EPM2A: variants seen among roughly 807,000 people sequenced by gnomAD.
EPM2A encodes the protein laforin.
EPM2A carries 21 observed loss-of-function variants against 26.5 expected under a neutral mutation model. That is an observed-to-expected ratio of 0.79 (90% CI 0.56 to 1.14). EPM2A has a LOEUF of 1.14. Among genes scored for constraint, EPM2A ranks in the 50% most tolerant of loss-of-function variants. The pLI, the probability that EPM2A is intolerant of heterozygous loss-of-function variation, is 0.00. For missense variants in EPM2A, 458 were observed against 440.8 expected (o/e 1.04, Z -0.35); for synonymous variants, 217 against 177.6 (o/e 1.22, Z -1.76).
chr6:145,638,566 A>G (rs894933729), intron 2 of EPM2A: 3 of 152,250 alleles, frequency 2.0e-5, no homozygotes, highest in African/African-American at 4.8e-5. Context: ...TGGAAGTCAG[A>G]GTCCATATTT....
At chr6:145,678,223 A>C (rs1070518) in intron 2 of EPM2A, among the ~76,000 whole-genome samples, 2 of 152,082 alleles carry the variant, frequency 1.3e-5, no homozygotes, top group East Asian at 1.9e-4. Flanking sequence ...ACTGGCTAGC[A>C]GTATGTAGAA....
Position 145,396,821 on chromosome 6 carries a change from T to A in EPM2A, c.556-12724A>T, listed in dbSNP as rs149922788. On this transcript the variant is annotated intron_variant, in intron 4 of 4. Coordinates refer to the EPM2A transcript ENST00000638717. ...GTTGAGGCTTTCCTTTACAAACAAG[T>A]CACAGCTATGGTGGTGGCCAAATAC... Among the ~76,000 whole-genome samples the A allele has an allele frequency of 5.3e-5, 8 of 152,304 alleles. 1 individual carries two copies. The highest frequency in any genetic ancestry group is 1.9e-4 in the African/African-American group (8 of 41,572).
chr6:145,598,030 A>C (rs1344487000), intron 2 of EPM2A, among the ~76,000 whole-genome samples: 1 of 152,212 alleles, frequency 6.6e-6, no homozygotes, highest in Non-Finnish European at 1.5e-5. Flanking sequence ...TGCTGCAATG[A>C]ACATTCACAT....
chr6:145,600,939 G>A (rs143199854), intron 2 of EPM2A, among the ~76,000 whole-genome samples: 1 of 152,190 alleles, frequency 6.6e-6, no homozygotes, highest in Non-Finnish European at 1.5e-5. Context: ...TGTCCAGAGG[G>A]TCATGGCTGT....
intron 4 of EPM2A, among the ~76,000 whole-genome samples, chr6:145,416,456 T>C (rs13219443): frequency 0.12 from 18,182 of 152,122 alleles, 1,154 homozygotes; most frequent in South Asian, 0.24. Flanking sequence ...CCAGTTTTCA[T>C]GAATTCTTCC....
In EPM2A at chr6:145,404,394, G is replaced by A. The variant is rs960346246; in HGVS notation, c.556-20297C>T. Among the ~76,000 whole-genome samples the A allele has an allele frequency of 2.6e-5, 4 of 151,578 alleles. No individual in the cohort carries two copies. The East Asian group carries it at 5.8e-4, about 22-fold the overall frequency. ...TTGATATACAGGTCTTTATATACTC[G>A]TATTTATTTTGTATGTAAATTGTTT... On this transcript the variant is annotated intron_variant, in intron 4 of 4. Transcript: ENST00000638717.
intron 2 of EPM2A, among the ~76,000 whole-genome samples, chr6:145,552,091 A>G (rs1481207636): frequency 1.3e-5 from 2 of 151,932 alleles, no homozygotes; most frequent in Non-Finnish European, 2.9e-5. Context: ...AAAATATGAA[A>G]AATAGATTGA....
At chr6:145,399,714 A>G (rs12196549) in intron 4 of EPM2A, among the ~76,000 whole-genome samples, 16,734 of 152,266 alleles carry the variant, frequency 0.11, 966 homozygotes, top group South Asian at 0.17. Context: ...AGGATTCTGT[A>G]CAATGGCTCA....
intron 4 of EPM2A, among the ~76,000 whole-genome samples, chr6:145,476,280 A>C (rs2114729624): frequency 6.6e-6 from 1 of 152,230 alleles, no homozygotes; most frequent in African/African-American, 2.4e-5. Context: ...CAGGTATATA[A>C]AGGAAATATC....
At chr6:145,429,967 C>T (rs1331872575) in intron 4 of EPM2A, among the ~76,000 whole-genome samples, 2 of 152,104 alleles carry the variant, frequency 1.3e-5, no homozygotes, top group East Asian at 1.9e-4. Flanking sequence ...GAGGCTGAGG[C>T]GGGCAGATCA....
intron 2 of EPM2A, chr6:145,641,073 T>A (rs920300214): frequency 1.2e-4 from 19 of 152,218 alleles, no homozygotes; most frequent in African/African-American, 3.6e-4. Context: ...TACTGTGTAG[T>A]TTAGAGCCAT....
chr6:145,456,686 T>C (rs1379827745), intron 4 of EPM2A, among the ~76,000 whole-genome samples: 1 of 152,164 alleles, frequency 6.6e-6, no homozygotes, highest in Non-Finnish European at 1.5e-5. Flanking sequence ...AGGTAGAGAA[T>C]ATGGGTGTAA....
intron 4 of EPM2A, among the ~76,000 whole-genome samples, chr6:145,493,916 G>A (rs776081045): frequency 2.6e-5 from 4 of 152,190 alleles, no homozygotes; most frequent in Non-Finnish European, 4.4e-5. Context: ...TTGCATCAAT[G>A]TTCATCAAGA....
At chr6:145,411,801 G>C (rs1778646505) in intron 4 of EPM2A, among the ~76,000 whole-genome samples, 1 of 152,148 alleles carries the variant, frequency 6.6e-6, no homozygotes, top group South Asian at 2.1e-4. Context: ...ATGGAGTAAA[G>C]TTGAGGTTTG....
intron 4 of EPM2A, among the ~76,000 whole-genome samples, chr6:145,485,098 A>G (rs985149365): frequency 3.3e-5 from 5 of 151,560 alleles, no homozygotes; most frequent in African/African-American, 9.7e-5. Flanking sequence ...CACAAAACCA[A>G]TGAAACAGTG....
At chr6:145,664,679 G>A (rs1779020791) in intron 2 of EPM2A, among the ~76,000 whole-genome samples, 1 of 152,136 alleles carries the variant, frequency 6.6e-6, no homozygotes, top group South Asian at 2.1e-4. Context: ...GACATCTACA[G>A]AACTCTCCAC....
At position 145,625,827 on chromosome 6, in the gene EPM2A, C is replaced by T. The variant is rs1244623165; in HGVS notation, c.*1589G>A. ...CCTTGTATCCTTCTTGTCCCCCACGCCTTCTAAATAAGAGTCTCTTGCATC... is the reference window on the plus strand; with the variant it reads ...CCTTGTATCCTTCTTGTCCCCCACGTCTTCTAAATAAGAGTCTCTTGCATC... On this transcript the variant is annotated 3_prime_UTR_variant, in exon 4 of 4. Transcript: ENST00000367519. 5.2e-6 allele frequency: 8 copies of T among 1,549,520 alleles called. No individual in the cohort carries two copies. The South Asian group carries it at 8.3e-5, about 16-fold the overall frequency.
intron 2 of EPM2A, among the ~76,000 whole-genome samples, chr6:145,570,297 A>G (rs552686007): frequency 1.7e-4 from 26 of 152,326 alleles, no homozygotes; most frequent in Middle Eastern, 3.4e-3. Flanking sequence ...ATCTCCTGAG[A>G]TCATACATAA....
chr6:145,452,110 G>T (rs1360950853), intron 4 of EPM2A, among the ~76,000 whole-genome samples: 1 of 152,118 alleles, frequency 6.6e-6, no homozygotes, highest in Non-Finnish European at 1.5e-5. Flanking sequence ...CTGCCAGGCG[G>T]TTCCTCAGGA....
Sources: allele counts gnomAD v4.1 joint callset (sites outside exome capture counted in the v4.1 genomes callset), GRCh38; gene constraint gnomAD v4.1.1; transcripts MANE v1.5; gene names NCBI Gene and HGNC (gene_info 2026-07-23, HGNC 2026-07-21).